Variants in KLRF1 observed in about 807,000 individuals in gnomAD.
KLRF1 encodes killer cell lectin like receptor F1.
Under a neutral mutation model 30.7 loss-of-function variants are expected in KLRF1, and 27 were observed. The observed-to-expected ratio is 0.88, with a 90% CI of 0.65 to 1.21. KLRF1 has a LOEUF of 1.21. KLRF1 is among the 50% of genes most tolerant of loss of function. The pLI is 0.00. For synonymous variants in KLRF1, 92 were observed against 89.3 expected, an observed-to-expected ratio of 1.03 and a Z score of -0.17; for missense variants, 246 against 259.3, an observed-to-expected ratio of 0.95 and a Z score of 0.35.
At chr12:9,819,684 C>T in the KLRF1 span, among the ~76,000 whole-genome samples, 1 of 152,120 alleles carries the variant, frequency 6.6e-6, no homozygotes, top group Non-Finnish European at 1.5e-5. Flanking sequence ...AAGGATAGCC[C>T]ACCATCCTTG....
the KLRF1 span, among the ~76,000 whole-genome samples, chr12:9,815,753 T>G: frequency 3.7e-3 from 563 of 152,184 alleles, 1 homozygote; most frequent in Middle Eastern, 6.8e-3. Flanking sequence ...CTTACCACAA[T>G]GTGTAAGAGC....
the KLRF1 span, among the ~76,000 whole-genome samples, chr12:9,801,119 T>G: frequency 2.6e-5 from 4 of 152,072 alleles, no homozygotes; most frequent in African/African-American, 9.7e-5. Flanking sequence ...GTTCCTGTGT[T>G]AGTTTGCTGA....
At chr12:9,802,257 T>C in the KLRF1 span, among the ~76,000 whole-genome samples, 1 of 152,114 alleles carries the variant, frequency 6.6e-6, no homozygotes, top group Admixed American at 6.6e-5. Flanking sequence ...TCTCAATAGA[T>C]GCAGAAAAGG....
the KLRF1 span, among the ~76,000 whole-genome samples, chr12:9,808,190 A>G: frequency 6.6e-6 from 1 of 152,170 alleles, no homozygotes; most frequent in African/African-American, 2.4e-5. Context: ...TACATTTGAC[A>G]TATGTGTGAA....
chr12:9,814,927 A>G, the KLRF1 span, among the ~76,000 whole-genome samples: 1 of 152,240 alleles, frequency 6.6e-6, no homozygotes, highest in Non-Finnish European at 1.5e-5. Flanking sequence ...TCAACAGAAT[A>G]GTAGAGTGAC....
intron 3 of KLRF1, among the ~76,000 whole-genome samples, chr12:9,839,826 C>A (rs1421931430): frequency 6.6e-6 from 1 of 151,972 alleles, no homozygotes; most frequent in East Asian, 1.9e-4. Flanking sequence ...TATCACATGA[C>A]CCAACATTCA....
At chr12:9,827,839 A>G (rs1867315892) in intron 1 of KLRF1, among the ~76,000 whole-genome samples, 2 of 152,152 alleles carry the variant, frequency 1.3e-5, no homozygotes, top group African/African-American at 2.4e-5. Context: ...AGTTTCCGGC[A>G]CTATACAGAA....
upstream of KLRF1, among the ~76,000 whole-genome samples, chr12:9,823,224 C>CA (rs71049011): frequency 0.76 from 105,879 of 138,868 alleles, 40,675 homozygotes; most frequent in South Asian, 0.89. Flanking sequence ...TTAGCAAATG[C>CA]AAAAAAAAAA....
upstream of KLRF1, among the ~76,000 whole-genome samples, chr12:9,823,706 T>G (rs1353403155): frequency 2.0e-5 from 3 of 149,388 alleles, no homozygotes; most frequent in Non-Finnish European, 4.5e-5. Flanking sequence ...CAGGGGTTGG[T>G]TTTTTGGAAA....
intron 3 of KLRF1, among the ~76,000 whole-genome samples, chr12:9,838,533 T>C (rs1867634897): frequency 6.6e-6 from 1 of 152,118 alleles, no homozygotes; most frequent in Non-Finnish European, 1.5e-5. Flanking sequence ...TTTTACACTA[T>C]TGGCGGGCAC....
intron 3 of KLRF1, among the ~76,000 whole-genome samples, chr12:9,835,115 G>A (rs996250645): frequency 4.6e-5 from 7 of 151,934 alleles, no homozygotes; most frequent in East Asian, 3.9e-4. Flanking sequence ...CTTTTTTGTC[G>A]TGTTGGTGTC....
chr12:9,809,566 C>G, the KLRF1 span, among the ~76,000 whole-genome samples: 1 of 152,068 alleles, frequency 6.6e-6, no homozygotes, highest in Non-Finnish European at 1.5e-5. Context: ...GTAAATTGTT[C>G]CAACAGCTGT....
chr12:9,813,217 T>C, the KLRF1 span, among the ~76,000 whole-genome samples: 2 of 152,258 alleles, frequency 1.3e-5, no homozygotes, highest in African/African-American at 4.8e-5. Flanking sequence ...TAGTTACATA[T>C]GTATACATGT....
At chr12:9,803,661 G>T in the KLRF1 span, among the ~76,000 whole-genome samples, 136 of 151,700 alleles carry the variant, frequency 9.0e-4, no homozygotes, top group African/African-American at 3.2e-3. Flanking sequence ...TTTTTTGCTT[G>T]TGGATGTCCA....
intron 3 of KLRF1, among the ~76,000 whole-genome samples, chr12:9,841,237 C>T (rs1288106060): frequency 6.6e-6 from 1 of 152,022 alleles, no homozygotes; most frequent in Non-Finnish European, 1.5e-5. Context: ...TGCATGTTCT[C>T]ACTTACAAGT....
intron 3 of KLRF1, 135 bp from the exon 4 acceptor site, chr12:9,841,677 C>T (rs1020196477): frequency 1.5e-5 from 9 of 600,424 alleles, no homozygotes; most frequent in Non-Finnish European, 2.4e-5. Flanking sequence ...TCTTTTGTGT[C>T]TGGACAATTT....
At position 9,844,952 on chromosome 12, in the gene KLRF1, G is replaced by C. The variant is rs767504433; in HGVS notation, c.*426G>C. On this transcript the variant is annotated 3_prime_UTR_variant, in exon 6 of 6. Coordinates refer to ENST00000617889, the MANE Select transcript of KLRF1 (RefSeq NM_016523.3). ...TCAAAGAGAATTAACTTTGTTTCCA[G>C]GCTTTTGCTACTCTTCACTCAGCTA... 1 of 152,562 alleles carries C rather than the reference G, an allele frequency of 6.6e-6. No individual in the cohort carries two copies. Among genetic ancestry groups the C allele is most frequent in the South Asian group, 2.1e-4 (1 of 4,862 alleles). 9.5% of individuals were successfully genotyped at this position (152,562 alleles called of 1,614,324 possible).
At chr12:9,820,858 A>G in the KLRF1 span, among the ~76,000 whole-genome samples, 1 of 152,234 alleles carries the variant, frequency 6.6e-6, no homozygotes, top group South Asian at 2.1e-4. Context: ...CCAGCACACC[A>G]CAGTCAACAT....
upstream of KLRF1, among the ~76,000 whole-genome samples, chr12:9,824,239 T>A (rs1272900370): frequency 6.6e-6 from 1 of 152,106 alleles, no homozygotes; most frequent in Non-Finnish European, 1.5e-5. Context: ...ACTGACAAAC[T>A]GAATCCAGCA....
Sources: gnomAD v4.1 joint callset for allele counts (sites outside exome capture counted in the v4.1 genomes callset) on GRCh38, gnomAD v4.1.1 for gene constraint, MANE v1.5 for transcripts, NCBI Gene and HGNC (gene_info 2026-07-23, HGNC 2026-07-21) for gene names.